The following PRKAR2A variants were observed in gnomAD, a reference collection of about 807,000 sequenced individuals.
PRKAR2A encodes protein kinase cAMP-dependent type II regulatory subunit alpha.
PRKAR2A carries 29 observed loss-of-function variants against 51.9 expected under a neutral mutation model. That is an observed-to-expected ratio of 0.56 (90% CI 0.42 to 0.76). PRKAR2A has a LOEUF of 0.76. Ranked by LOEUF, PRKAR2A falls within the 30% of genes least tolerant of loss-of-function variation. PRKAR2A has a pLI of 0.00. For synonymous variants in PRKAR2A, 178 were observed against 186.2 expected (o/e 0.96, Z 0.36); for missense variants, 445 against 512.1 (o/e 0.87, Z 1.26).
intron 2 of PRKAR2A, among the ~76,000 whole-genome samples, chr3:48,800,531 TACACAC>T (rs534797511): frequency 2.7e-5 from 4 of 148,214 alleles, no homozygotes; most frequent in African/African-American, 9.9e-5. Flanking sequence ...AAAAACTATA[TACACAC>T]ACACACACAC....
chr3:48,824,480 T>C (rs998759005), intron 1 of PRKAR2A, among the ~76,000 whole-genome samples: 5 of 151,368 alleles, frequency 3.3e-5, no homozygotes, highest in Non-Finnish European at 7.4e-5. Flanking sequence ...AGATCATTCA[T>C]ATCCCAAACC....
At chr3:48,783,131 A>G in intron 4 of PRKAR2A, 39 bp from the exon 5 acceptor site, 2 of 1,342,930 alleles carry the variant, frequency 1.5e-6, no homozygotes, top group African/African-American at 1.4e-5. Flanking sequence ...TAGCCTTTAC[A>G]TATGCTGAAA....
intron 1 of PRKAR2A, among the ~76,000 whole-genome samples, chr3:48,836,444 A>G (rs1352362286): frequency 8.9e-6 from 1 of 112,556 alleles, no homozygotes; most frequent in African/African-American, 3.6e-5. Context: ...AAAAAAAAAA[A>G]GAAGAAGAAA....
At chr3:48,838,966 A>T (rs2083331596) in intron 1 of PRKAR2A, among the ~76,000 whole-genome samples, 1 of 151,086 alleles carries the variant, frequency 6.6e-6, no homozygotes, top group Non-Finnish European at 1.5e-5. Context: ...CCTGGGCGAC[A>T]GAGCAAGACT....
In PRKAR2A at chr3:48,772,896, G is replaced by A. The variant is rs570431891; in HGVS notation, c.696+59C>T. 748 of 1,521,974 alleles carry A rather than the reference G, an allele frequency of 4.9e-4. 6 individuals carry two copies. In the African/African-American group the frequency reaches 8.9e-3, roughly 18 times the overall value. 94.3% of individuals were successfully genotyped at this position (1,521,974 alleles called of 1,614,324 possible). A position where few individuals can be genotyped will look rare whatever the true frequency, so the allele number is the denominator to read the frequency against. On this transcript the variant is annotated intron_variant, in intron 6 of 10. Transcript: ENST00000265563. ...AGTGTAAATCAACAGCCCAAGGACAGAGACACAGAAAGGGAATTAATACTG... is the reference window on the plus strand; with the variant it reads ...AGTGTAAATCAACAGCCCAAGGACAAAGACACAGAAAGGGAATTAATACTG...
At chr3:48,785,260 T>TC (rs1385298373) in intron 4 of PRKAR2A, among the ~76,000 whole-genome samples, 1 of 143,648 alleles carries the variant, frequency 7.0e-6, no homozygotes, top group African/African-American at 2.6e-5. Flanking sequence ...CCTGGATAAT[T>TC]TTTTTTTTTT....
intron 2 of PRKAR2A, among the ~76,000 whole-genome samples, chr3:48,804,432 AC>A (rs2082641543): frequency 1.3e-5 from 2 of 152,282 alleles, no homozygotes; most frequent in Non-Finnish European, 2.9e-5. Flanking sequence ...CTGCACTCTA[AC>A]ATGGGTACAG....
At chr3:48,793,785 C>G (rs1575888556) in intron 3 of PRKAR2A, among the ~76,000 whole-genome samples, 1 of 152,292 alleles carries the variant, frequency 6.6e-6, no homozygotes, top group East Asian at 1.9e-4. Flanking sequence ...AGCCACCACG[C>G]CCAGCCTGTT....
intron 1 of PRKAR2A, among the ~76,000 whole-genome samples, chr3:48,826,287 A>T (rs765242125): frequency 6.6e-6 from 1 of 152,172 alleles, no homozygotes; most frequent in African/African-American, 2.4e-5. Context: ...AGGGGTTCCC[A>T]TGACCCCTCT....
At chr3:48,744,883 C>CT (rs1182291679), downstream of PRKAR2A, 39 of 148,912 alleles carry the variant, frequency 2.6e-4, no homozygotes, top group Admixed American at 1.9e-3. Context: ...ATGTTTTCTA[C>CT]TTTTTTTTTT....
chr3:48,781,371 T>G (rs1159686135), intron 5 of PRKAR2A, among the ~76,000 whole-genome samples: 1 of 151,448 alleles, frequency 6.6e-6, no homozygotes, highest in Non-Finnish European at 1.5e-5. Flanking sequence ...AGACTGAGTC[T>G]CACTCTATCA....
At chr3:48,818,116 G>A (rs557691825) in intron 1 of PRKAR2A, among the ~76,000 whole-genome samples, 2 of 152,238 alleles carry the variant, frequency 1.3e-5, no homozygotes, top group Admixed American at 1.3e-4. Flanking sequence ...TACTATCTCA[G>A]CTGCCCTCTG....
At chr3:48,805,641 AT>A (rs2082667404) in intron 2 of PRKAR2A, among the ~76,000 whole-genome samples, 1 of 152,182 alleles carries the variant, frequency 6.6e-6, no homozygotes. Flanking sequence ...TATTTTGAAG[AT>A]TATATTCAAC....
chr3:48,748,997 C>G lies in PRKAR2A; in HGVS notation c.*2588G>C, dbSNP rs927204850. 53 of 152,154 alleles carry G rather than the reference C, an allele frequency of 3.5e-4. No individual in the cohort carries two copies. The highest frequency in any genetic ancestry group is 1.2e-3 in the African/African-American group (48 of 41,428). The allele number at this position is 152,154 out of a possible 1,614,324, so 9.4% of individuals were successfully genotyped here. ...CCAAGGTTGTGGTGGGTTATTTACT[C>G]TGGAAATATCTTGGTCACACTGTCC... On this transcript the variant is annotated 3_prime_UTR_variant, in exon 11 of 11. Coordinates refer to ENST00000265563, the MANE Select transcript of PRKAR2A (RefSeq NM_004157.4).
At chr3:48,815,880 G>C (rs568983806) in intron 1 of PRKAR2A, among the ~76,000 whole-genome samples, 1 of 151,582 alleles carries the variant, frequency 6.6e-6, no homozygotes, top group Non-Finnish European at 1.5e-5. Flanking sequence ...TTAGCTGGGC[G>C]TGGTGGCACG....
At chr3:48,762,594 C>T (rs1348082227) in intron 8 of PRKAR2A, among the ~76,000 whole-genome samples, 2 of 151,948 alleles carry the variant, frequency 1.3e-5, no homozygotes, top group Non-Finnish European at 2.9e-5. Flanking sequence ...GAGATTATGC[C>T]ACTGTACTCC....
chr3:48,838,046 C>T (rs1450678514), intron 1 of PRKAR2A, among the ~76,000 whole-genome samples: 9 of 151,810 alleles, frequency 5.9e-5, no homozygotes, highest in African/African-American at 1.9e-4. Context: ...GGTGTGGTGG[C>T]GGGCGCCTGT....
At chr3:48,797,180 T>A (rs2082509090) in intron 2 of PRKAR2A, among the ~76,000 whole-genome samples, 1 of 151,898 alleles carries the variant, frequency 6.6e-6, no homozygotes, top group African/African-American at 2.4e-5. Context: ...TATTATTATA[T>A]TTTTTGAGAC....
At chr3:48,786,219 G>C (rs1036227083) in intron 4 of PRKAR2A, among the ~76,000 whole-genome samples, 6 of 149,618 alleles carry the variant, frequency 4.0e-5, no homozygotes, top group Admixed American at 4.0e-4. Flanking sequence ...CTGCTTCCCA[G>C]GTTCAAGTGA....
Sources: gnomAD v4.1 joint callset for allele counts (sites outside exome capture counted in the v4.1 genomes callset) on GRCh38, gnomAD v4.1.1 for gene constraint, MANE v1.5 for transcripts, NCBI Gene and HGNC (gene_info 2026-07-23, HGNC 2026-07-21) for gene names.